DAB1: variants seen among roughly 807,000 people sequenced by gnomAD.
The protein encoded by DAB1 is DAB adaptor protein 1.
DAB1 carries 15 observed loss-of-function variants against 64.6 expected under a neutral mutation model. The observed-to-expected ratio is 0.23, with a 90% CI of 0.16 to 0.36. DAB1 has a LOEUF of 0.36. Among genes scored for constraint, DAB1 ranks in the 10% least tolerant of loss-of-function variants. The pLI, the probability that DAB1 is intolerant of heterozygous loss-of-function variation, is 1.00. For missense variants in DAB1, 596 were observed against 706.7 expected, an observed-to-expected ratio of 0.84 and a Z score of 1.78; for synonymous variants, 235 against 251.9, an observed-to-expected ratio of 0.93 and a Z score of 0.64.
In DAB1 at chr1:57,939,325, T is replaced by C. The variant is rs573438425; in HGVS notation, n.388-55163A>G. Among the ~76,000 whole-genome samples the C allele has an allele frequency of 9.2e-5, 14 of 152,320 alleles. No individual in the cohort carries two copies. The South Asian group carries it at 1.4e-3, about 16-fold the overall frequency. The stretch of plus-strand genomic sequence containing the variant: ...CCTTCAAGTATCATCACATTGGAGA[T>C]GTAGGCTTCAATATACCAATGTGGG... On this transcript the variant is annotated intron_variant and non_coding_transcript_variant, in intron 5 of 20. Transcript: ENST00000485760.
At chr1:57,304,756 T>C (rs992261536) in intron 1 of DAB1, among the ~76,000 whole-genome samples, 4 of 152,260 alleles carry the variant, frequency 2.6e-5, no homozygotes, top group African/African-American at 9.6e-5. Context: ...TTCTGATATT[T>C]ATTTGCTATA....
At chr1:57,329,764 T>C (rs90940) in intron 1 of DAB1, among the ~76,000 whole-genome samples, 75,683 of 151,442 alleles carry the variant, frequency 0.5, 19,775 homozygotes, top group Non-Finnish European at 0.58. Context: ...CACTCAGAAC[T>C]GCAGAGGAAG....
chr1:57,563,188 C>T (rs1483595450), intron 7 of DAB1, among the ~76,000 whole-genome samples: 1 of 152,158 alleles, frequency 6.6e-6, no homozygotes, highest in Non-Finnish European at 1.5e-5. Flanking sequence ...GTCATCAATA[C>T]CAGGTACAAC....
chr1:57,695,384 GA>G (rs750243725), intron 6 of DAB1, among the ~76,000 whole-genome samples: 1,161 of 73,454 alleles, frequency 0.016, 7 homozygotes, highest in Middle Eastern at 0.03. Context: ...AAGAAAGAAA[GA>G]AAGAAAGAAA....
At chr1:57,988,047 G>C (rs1646266155) in intron 5 of DAB1, among the ~76,000 whole-genome samples, 1 of 152,008 alleles carries the variant, frequency 6.6e-6, no homozygotes, top group South Asian at 2.1e-4. Flanking sequence ...ACTGAGCTTG[G>C]GGCCAGGTGT....
intron 1 of DAB1, chr1:57,880,802 A>G (rs1644132285): frequency 6.6e-6 from 1 of 152,184 alleles, no homozygotes; most frequent in South Asian, 2.1e-4. Context: ...TTTGCAAAAG[A>G]CTCCAAATCA....
At chr1:57,540,052 G>T (rs1328199117) in intron 7 of DAB1, among the ~76,000 whole-genome samples, 1 of 152,208 alleles carries the variant, frequency 6.6e-6, no homozygotes, top group Non-Finnish European at 1.5e-5. Context: ...ATGTTCTAGA[G>T]AGGGATTAGC....
chr1:57,481,443 A>G (rs1206740316), intron 7 of DAB1, among the ~76,000 whole-genome samples: 1 of 152,114 alleles, frequency 6.6e-6, no homozygotes, highest in African/African-American at 2.4e-5. Context: ...CAAACCTCAG[A>G]CCCTAAACTG....
intron 4 of DAB1, among the ~76,000 whole-genome samples, chr1:58,332,863 G>A (rs1663005602): frequency 1.3e-5 from 2 of 151,888 alleles, no homozygotes; most frequent in African/African-American, 4.8e-5. Context: ...AGGAAATATG[G>A]GATCCTAAAT....
intron 2 of DAB1, among the ~76,000 whole-genome samples, chr1:57,206,524 G>A (rs1472053581): frequency 6.6e-6 from 1 of 152,178 alleles, no homozygotes; most frequent in Non-Finnish European, 1.5e-5. Flanking sequence ...GGTCGCATGT[G>A]CCTCCTCGCT....
intron 6 of DAB1, among the ~76,000 whole-genome samples, chr1:57,696,803 C>T (rs989489809): frequency 1.4e-4 from 22 of 152,102 alleles, no homozygotes; most frequent in African/African-American, 5.3e-4. Context: ...CATGCCTTTC[C>T]TTTCATATCA....
At chr1:57,635,358 C>T (rs1051922550) in intron 7 of DAB1, among the ~76,000 whole-genome samples, 6 of 152,130 alleles carry the variant, frequency 3.9e-5, no homozygotes, top group South Asian at 2.1e-4. Flanking sequence ...GGCAAGCAAG[C>T]GAAGCTTCAT....
chr1:58,153,193 G>A (rs1347692261), intron 4 of DAB1, among the ~76,000 whole-genome samples: 1 of 152,076 alleles, frequency 6.6e-6, no homozygotes, highest in East Asian at 1.9e-4. Flanking sequence ...CTTTACCCCC[G>A]AGTGCCTGAT....
At chr1:58,091,204 T>C (rs1650636934) in intron 5 of DAB1, among the ~76,000 whole-genome samples, 1 of 152,206 alleles carries the variant, frequency 6.6e-6, no homozygotes, top group African/African-American at 2.4e-5. Context: ...AATAAAGCAC[T>C]CTGTTTCGTT....
intron 3 of DAB1, among the ~76,000 whole-genome samples, chr1:58,444,904 G>C (rs1182539286): frequency 1.3e-5 from 2 of 152,104 alleles, no homozygotes; most frequent in African/African-American, 4.8e-5. Flanking sequence ...TTATATATAA[G>C]CATATGATAT....
intron 1 of DAB1, among the ~76,000 whole-genome samples, chr1:57,841,600 G>T (rs1341126394): frequency 6.6e-6 from 1 of 152,218 alleles, no homozygotes; most frequent in African/African-American, 2.4e-5. Flanking sequence ...AGCCACCAAG[G>T]CTTGGGGCTT....
chr1:58,113,494 T>C (rs1184321291), intron 5 of DAB1, among the ~76,000 whole-genome samples: 2 of 152,152 alleles, frequency 1.3e-5, no homozygotes, highest in African/African-American at 2.4e-5. Flanking sequence ...CATAAAAGTA[T>C]CTGTTGTCAA....
chr1:57,869,889 T>C (rs1445340003), intron 1 of DAB1, among the ~76,000 whole-genome samples: 1 of 152,174 alleles, frequency 6.6e-6, no homozygotes, highest in Non-Finnish European at 1.5e-5. Context: ...ACATGTTCAC[T>C]GACTCTCAGT....
At chr1:57,269,708 ACT>A (rs1326879068) in intron 2 of DAB1, among the ~76,000 whole-genome samples, 1 of 152,004 alleles carries the variant, frequency 6.6e-6, no homozygotes, top group African/African-American at 2.4e-5. Context: ...AACTTGCTTA[ACT>A]CTTTTTCTCC....
Sources: gnomAD v4.1 joint callset for allele counts (sites outside exome capture counted in the v4.1 genomes callset) on GRCh38, gnomAD v4.1.1 for gene constraint, MANE v1.5 for transcripts, NCBI Gene and HGNC (gene_info 2026-07-23, HGNC 2026-07-21) for gene names.